Variants in NTNG1 observed in about 807,000 individuals in gnomAD.
The protein encoded by NTNG1 is netrin G1.
Under a neutral mutation model 54.0 loss-of-function variants are expected in NTNG1, and 16 were observed. The ratio of observed to expected loss-of-function variants is 0.30; its 90% CI spans 0.20 to 0.45. The LOEUF (loss-of-function observed/expected upper bound fraction) is 0.45, where lower values mean the gene tolerates loss of function less well. Ranked by LOEUF, NTNG1 falls within the 20% of genes least tolerant of loss-of-function variation. NTNG1 has a pLI of 1.00. For synonymous variants in NTNG1, 255 were observed against 263.1 expected (o/e 0.97, Z 0.30); for missense variants, 530 against 678.7 (o/e 0.78, Z 2.43).
intron 2 of NTNG1, among the ~76,000 whole-genome samples, chr1:107,225,755 A>G (rs1486449607): frequency 6.6e-6 from 1 of 152,226 alleles, no homozygotes; most frequent in Non-Finnish European, 1.5e-5. Context: ...ATGTGTGTCC[A>G]GATAAAATCA....
intron 3 of NTNG1, among the ~76,000 whole-genome samples, chr1:107,326,763 G>T (rs528315369): frequency 6.6e-6 from 1 of 151,780 alleles, no homozygotes; most frequent in African/African-American, 2.4e-5. Context: ...TGTAAATAAG[G>T]CAATCTTCTG....
chr1:107,470,593 G>A (rs905160834), intron 7 of NTNG1, among the ~76,000 whole-genome samples: 7 of 152,202 alleles, frequency 4.6e-5, no homozygotes, highest in African/African-American at 1.7e-4. Flanking sequence ...CATGTACTTT[G>A]AAACGATGAT....
chr1:107,459,107 C>T (rs1239214916), intron 7 of NTNG1, among the ~76,000 whole-genome samples: 5 of 152,068 alleles, frequency 3.3e-5, no homozygotes, highest in African/African-American at 1.2e-4. Context: ...TAGGTTCACA[C>T]TATCTATTAT....
chr1:107,421,831 G>T (rs566551266), intron 5 of NTNG1, among the ~76,000 whole-genome samples: 2 of 152,106 alleles, frequency 1.3e-5, no homozygotes, highest in South Asian at 4.2e-4. Context: ...TGTGTAACAG[G>T]TGTGTCTTGT....
intron 2 of NTNG1, among the ~76,000 whole-genome samples, chr1:107,287,034 C>G (rs1010787244): frequency 2.6e-5 from 4 of 152,002 alleles, no homozygotes; most frequent in Non-Finnish European, 5.9e-5. Flanking sequence ...CCATTTACAG[C>G]TGCATTTGGT....
chr1:107,238,360 C>G (rs1661559312), intron 2 of NTNG1, among the ~76,000 whole-genome samples: 1 of 152,118 alleles, frequency 6.6e-6, no homozygotes, highest in Non-Finnish European at 1.5e-5. Flanking sequence ...ATTTTACAGA[C>G]TCATACTTGC....
intron 2 of NTNG1, among the ~76,000 whole-genome samples, chr1:107,267,049 T>A (rs1036719337): frequency 6.6e-6 from 1 of 152,198 alleles, no homozygotes; most frequent in Non-Finnish European, 1.5e-5. Context: ...TGTACTACAA[T>A]GTACAAAAAA....
intron 4 of NTNG1, among the ~76,000 whole-genome samples, chr1:107,399,051 C>A (rs1478462644): frequency 1.3e-5 from 2 of 152,192 alleles, no homozygotes; most frequent in Non-Finnish European, 2.9e-5. Flanking sequence ...CTCTCCTTCT[C>A]TGGCTATGTT....
intron 3 of NTNG1, among the ~76,000 whole-genome samples, chr1:107,359,696 A>G (rs892631560): frequency 6.6e-6 from 1 of 152,112 alleles, no homozygotes; most frequent in Non-Finnish European, 1.5e-5. Context: ...GAAAACCTAC[A>G]GATAGGTTTA....
rs72701266 is a variant in NTNG1, at chr1:107,483,806, A to T, written c.*2966A>T. ...TATCAATAATATTGATGGGCATAAC[A>T]TTTCAAAAAATGGGACAAAGGTTCA... On this transcript the variant is annotated 3_prime_UTR_variant, in exon 8 of 8. Coordinates refer to ENST00000370068, the MANE Select transcript of NTNG1 (RefSeq NM_001113226.3). 0.027 allele frequency among the ~76,000 whole-genome samples: 4,055 copies of T among 152,326 alleles called. 67 individuals carry two copies. Among genetic ancestry groups the T allele is most frequent in the Non-Finnish European group, 0.04 (2,743 of 68,030 alleles).
chr1:107,264,006 A>T (rs1253596385), intron 2 of NTNG1, among the ~76,000 whole-genome samples: 1 of 152,180 alleles, frequency 6.6e-6, no homozygotes, highest in Non-Finnish European at 1.5e-5. Context: ...ATTCCAAGGA[A>T]TTATAGTTCT....
At chr1:107,221,823 T>A (rs1660368821) in intron 2 of NTNG1, among the ~76,000 whole-genome samples, 1 of 152,168 alleles carries the variant, frequency 6.6e-6, no homozygotes, top group African/African-American at 2.4e-5. Flanking sequence ...CTTTGGAAAG[T>A]TGAGTTGGGG....
At chr1:107,234,519 A>G (rs916118356) in intron 2 of NTNG1, among the ~76,000 whole-genome samples, 2 of 152,078 alleles carry the variant, frequency 1.3e-5, no homozygotes, top group African/African-American at 4.8e-5. Context: ...TCTAAATACT[A>G]CATATGTTTC....
intron 3 of NTNG1, among the ~76,000 whole-genome samples, chr1:107,325,344 T>C (rs1210258937): frequency 6.6e-6 from 1 of 152,074 alleles, no homozygotes; most frequent in East Asian, 1.9e-4. Context: ...TGTGTAATAT[T>C]GCACAAAAAA....
chr1:107,219,836 C>G (rs74558995), intron 2 of NTNG1, among the ~76,000 whole-genome samples: 10,549 of 152,132 alleles, frequency 0.069, 455 homozygotes, highest in Middle Eastern at 0.12. Context: ...TCCTTGGTAG[C>G]ATTTTTGTTA....
chr1:107,328,177 C>T (rs573216437), intron 3 of NTNG1, among the ~76,000 whole-genome samples: 1 of 152,254 alleles, frequency 6.6e-6, no homozygotes, highest in East Asian at 1.9e-4. Flanking sequence ...GTAGTACTTA[C>T]ATTGTTCAAT....
intron 1 of NTNG1, among the ~76,000 whole-genome samples, chr1:107,143,568 A>T (rs1225613897): frequency 3.3e-5 from 5 of 152,156 alleles, no homozygotes; most frequent in African/African-American, 4.8e-5. Context: ...ATATGTTAAC[A>T]TTGAAATATA....
At chr1:107,436,056 C>G (rs1327904916) in intron 6 of NTNG1, among the ~76,000 whole-genome samples, 1 of 152,118 alleles carries the variant, frequency 6.6e-6, no homozygotes, top group African/African-American at 2.4e-5. Context: ...TTTGGGGTTA[C>G]AAAGTTTATT....
chr1:107,253,701 C>T (rs566279639), intron 2 of NTNG1, among the ~76,000 whole-genome samples: 1 of 152,318 alleles, frequency 6.6e-6, no homozygotes, highest in Admixed American at 6.5e-5. Context: ...CCTGTTTCCT[C>T]TTTTATTTTA....
Sources: allele counts gnomAD v4.1 joint callset (sites outside exome capture counted in the v4.1 genomes callset), GRCh38; gene constraint gnomAD v4.1.1; transcripts MANE v1.5; gene names NCBI Gene and HGNC (gene_info 2026-07-23, HGNC 2026-07-21).